Variants in CDK13 observed in about 807,000 individuals in gnomAD.
CDK13 encodes the protein cyclin dependent kinase 13.
A neutral mutation model predicts 137.6 loss-of-function variants in CDK13; 40 were observed. The observed-to-expected ratio is 0.29, with a 90% CI of 0.23 to 0.38. CDK13 has a LOEUF of 0.38. Among genes scored for constraint, CDK13 ranks in the 10% least tolerant of loss-of-function variants. The pLI, the probability that CDK13 is intolerant of heterozygous loss-of-function variation, is 1.00. For synonymous variants in CDK13, 869 were observed against 760.1 expected, an observed-to-expected ratio of 1.14 and a Z score of -2.36; for missense variants, 1,704 against 1,951.8, an observed-to-expected ratio of 0.87 and a Z score of 2.39.
intron 11 of CDK13, among the ~76,000 whole-genome samples, chr7:40,087,622 C>G (rs758452210): frequency 6.8e-6 from 1 of 146,452 alleles, no homozygotes; most frequent in East Asian, 2.0e-4. Context: ...AATCTCGGCT[C>G]ACCGCAACCT....
chr7:40,043,038 A>G (rs1785649254), intron 5 of CDK13, among the ~76,000 whole-genome samples: 1 of 152,164 alleles, frequency 6.6e-6, no homozygotes, highest in Non-Finnish European at 1.5e-5. Context: ...CCGATCTCCC[A>G]AAGTGCTTGG....
chr7:40,047,790 C>G (rs377072705), intron 6 of CDK13, 31 bp from the exon 7 acceptor site: 1 of 1,501,096 alleles, frequency 6.7e-7, no homozygotes, highest in African/African-American at 1.4e-5. Context: ...TAAATTAATA[C>G]CTTTTGTTCA....
At chr7:40,032,160 C>T (rs377421268) in intron 5 of CDK13, among the ~76,000 whole-genome samples, 3 of 151,578 alleles carry the variant, frequency 2.0e-5, no homozygotes, top group East Asian at 3.9e-4. Context: ...AGGCTCAAGC[C>T]GTCTTCCCAC....
rs1562719391 is a variant in CDK13 at position 39,996,983 on chromosome 7, A to AAAAAAAAAAAAAG, written c.1872-506_1872-505insAAAAAAAGAAAAA. Among the ~76,000 whole-genome samples, 52 of 141,464 alleles carry AAAAAAAAAAAAAG rather than the reference A, an allele frequency of 3.7e-4. 3 individuals are homozygous for AAAAAAAAAAAAAG. The highest frequency in any genetic ancestry group is 1.5e-3 in the African/African-American group (52 of 33,560). The allele number at this position is 141,464 out of a possible 152,430, so 92.8% of individuals were successfully genotyped here. A position where few individuals can be genotyped will look rare whatever the true frequency, so the allele number is the denominator to read the frequency against. The stretch of plus-strand genomic sequence containing the variant: ...TCTCAAAAAAAAAAAAAAAGAAAAA[A>AAAAAAAAAAAAAG]AAAAAGAAAAATGCTTTGCAAAACT... On this transcript the variant is annotated intron_variant, in intron 2 of 13. Transcript: ENST00000181839.
At chr7:40,024,262 A>G (rs1018472032) in intron 5 of CDK13, among the ~76,000 whole-genome samples, 3 of 152,156 alleles carry the variant, frequency 2.0e-5, no homozygotes, top group African/African-American at 7.2e-5. Flanking sequence ...ATTAAAACAA[A>G]AAAACCCTTC....
intron 9 of CDK13, chr7:40,069,379 G>T (rs1017462986): frequency 4.5e-6 from 2 of 448,352 alleles, no homozygotes; most frequent in Non-Finnish European, 9.0e-6. Context: ...ACCGAAAAGT[G>T]TGTGGCCTTT....
intron 1 of CDK13, among the ~76,000 whole-genome samples, chr7:39,966,131 G>A (rs968716760): frequency 2.0e-5 from 3 of 152,086 alleles, no homozygotes; most frequent in South Asian, 2.1e-4. Context: ...TCTTTGTGGC[G>A]TTCTCTGCAT....
At chr7:40,036,057 G>C (rs1785475335) in intron 5 of CDK13, among the ~76,000 whole-genome samples, 1 of 151,768 alleles carries the variant, frequency 6.6e-6, no homozygotes. Flanking sequence ...CCAGCTGCTG[G>C]GGTGGCTGAG....
intron 5 of CDK13, among the ~76,000 whole-genome samples, chr7:40,011,271 C>G (rs559537671): frequency 6.6e-6 from 1 of 152,296 alleles, no homozygotes; most frequent in Admixed American, 6.5e-5. Context: ...TGCCCATAAT[C>G]CCAACCCCTT....
At chr7:39,994,242 GT>G (rs1250856362) in intron 2 of CDK13, among the ~76,000 whole-genome samples, 1 of 151,820 alleles carries the variant, frequency 6.6e-6, no homozygotes, top group African/African-American at 2.4e-5. Context: ...AAACTTCTAG[GT>G]TTATAAAATT....
At chr7:40,006,680 G>A (rs925211748) in intron 5 of CDK13, among the ~76,000 whole-genome samples, 1 of 152,140 alleles carries the variant, frequency 6.6e-6, no homozygotes, top group African/African-American at 2.4e-5. Flanking sequence ...TACTATGGAG[G>A]CTGAGGCAGG....
chr7:40,021,491 A>C (rs957285312), intron 5 of CDK13, among the ~76,000 whole-genome samples: 6 of 58 alleles, frequency 0.1, no homozygotes, highest in African/African-American at 0.12. Flanking sequence ...GACTGTCTCA[A>C]AAAAAAAGGA....
At chr7:40,069,776 A>G (rs1393399199) in intron 9 of CDK13, 1 of 152,686 alleles carries the variant, frequency 6.5e-6, no homozygotes, top group Admixed American at 6.5e-5. Context: ...TAGAAGTAGC[A>G]TAGATTAAAA....
intron 9 of CDK13, among the ~76,000 whole-genome samples, chr7:40,073,431 G>A (rs979275075): frequency 6.6e-6 from 1 of 152,094 alleles, no homozygotes; most frequent in Non-Finnish European, 1.5e-5. Context: ...CTGGAGTCCA[G>A]TAGGTCAAGG....
At chr7:40,002,121 G>T in intron 5 of CDK13, 90 bp downstream of exon 5, 1 of 800,112 alleles carries the variant, frequency 1.2e-6, no homozygotes, top group South Asian at 1.8e-5. Flanking sequence ...GACTATTTGA[G>T]TAATTACAAA....
intron 7 of CDK13, among the ~76,000 whole-genome samples, chr7:40,053,158 A>G (rs1029856544): frequency 3.9e-5 from 6 of 152,236 alleles, no homozygotes; most frequent in Admixed American, 1.3e-4. Context: ...TGTTGGGGGT[A>G]TATCATCCGA....
chr7:40,024,917 G>A (rs780864688), intron 5 of CDK13, among the ~76,000 whole-genome samples: 1 of 151,988 alleles, frequency 6.6e-6, no homozygotes, highest in Non-Finnish European at 1.5e-5. Context: ...GCCCGCCTTG[G>A]CCTCCCAAAG....
chr7:40,005,254 C>T (rs1002319618), intron 5 of CDK13, among the ~76,000 whole-genome samples: 1 of 148,908 alleles, frequency 6.7e-6, no homozygotes, highest in African/African-American at 2.5e-5. Flanking sequence ...AAGTTAATCA[C>T]GAAGGTTATT....
intron 7 of CDK13, among the ~76,000 whole-genome samples, chr7:40,049,467 G>C (rs1226098098): frequency 6.9e-6 from 1 of 145,496 alleles, no homozygotes; most frequent in East Asian, 2.0e-4. Context: ...CCCTCATTTT[G>C]CATTTGAGCG....
Sources: gnomAD v4.1 joint callset for allele counts (sites outside exome capture counted in the v4.1 genomes callset) on GRCh38, gnomAD v4.1.1 for gene constraint, MANE v1.5 for transcripts, NCBI Gene and HGNC (gene_info 2026-07-23, HGNC 2026-07-21) for gene names.